Variants in CNBD1 observed in about 807,000 individuals in gnomAD.
The protein encoded by CNBD1 is cyclic nucleotide-binding domain-containing protein 1.
In CNBD1, 71 loss-of-function variants were observed where a neutral mutation model predicts 54.4. The observed-to-expected ratio is 1.30, with a 90% confidence interval of 1.08 to 1.59. The LOEUF is 1.59. Among genes scored for constraint, CNBD1 ranks in the 40% most tolerant of loss-of-function variants. The pLI, the probability that CNBD1 is intolerant of heterozygous loss-of-function variation, is 0.00. For synonymous variants in CNBD1, 182 were observed against 170.7 expected, an observed-to-expected ratio of 1.07 and a Z score of -0.51; for missense variants, 659 against 518.0, an observed-to-expected ratio of 1.27 and a Z score of -2.64.
chr8:87,370,941 C>T (rs1810773204), intron 10 of CNBD1, among the ~76,000 whole-genome samples: 1 of 151,108 alleles, frequency 6.6e-6, no homozygotes, highest in African/African-American at 2.5e-5. Context: ...CAGCTTTCTA[C>T]ATATGGCTAG....
At chr8:87,259,244 A>G (rs1477038496) in intron 6 of CNBD1, among the ~76,000 whole-genome samples, 2 of 152,218 alleles carry the variant, frequency 1.3e-5, no homozygotes, top group East Asian at 1.9e-4. Flanking sequence ...CTTTAGGACA[A>G]GAATTTACCA....
At chr8:87,070,573 A>G (rs1205466561) in intron 4 of CNBD1, among the ~76,000 whole-genome samples, 2 of 152,074 alleles carry the variant, frequency 1.3e-5, no homozygotes, top group Middle Eastern at 3.2e-3. Context: ...AAATTGTGAG[A>G]AAAAGAGATT....
chr8:87,368,532 G>A (rs975423476), intron 10 of CNBD1, among the ~76,000 whole-genome samples: 1 of 151,888 alleles, frequency 6.6e-6, no homozygotes, highest in Non-Finnish European at 1.5e-5. Context: ...CAGCTACTTG[G>A]TGGACTAAGG....
intron 1 of CNBD1, 127 bp from the exon 2 acceptor site, chr8:86,887,415 T>G (rs1379121392): frequency 1.6e-6 from 1 of 622,906 alleles, no homozygotes; most frequent in Non-Finnish European, 2.9e-6. Flanking sequence ...CAAAGACTGT[T>G]AATACCTCAC....
intron 2 of CNBD1, among the ~76,000 whole-genome samples, chr8:87,416,740 G>A (rs550609725): frequency 6.6e-6 from 1 of 152,028 alleles, no homozygotes; most frequent in East Asian, 1.9e-4. Context: ...ACTCCTGAAG[G>A]CTGTGGATAA....
At chr8:86,942,795 A>G (rs1334997406) in intron 4 of CNBD1, among the ~76,000 whole-genome samples, 1 of 152,200 alleles carries the variant, frequency 6.6e-6, no homozygotes, top group African/African-American at 2.4e-5. Flanking sequence ...ACATTTAGTA[A>G]CATCATCAGT....
At chr8:87,286,342 G>T (rs1252617339) in intron 7 of CNBD1, among the ~76,000 whole-genome samples, 197 bp from the exon 8 acceptor site, 1 of 152,032 alleles carries the variant, frequency 6.6e-6, no homozygotes, top group Non-Finnish European at 1.5e-5. Flanking sequence ...TATAATTTTA[G>T]TAAGTAGATC....
At chr8:87,197,069 G>T (rs1813737956) in intron 4 of CNBD1, among the ~76,000 whole-genome samples, 1 of 152,144 alleles carries the variant, frequency 6.6e-6, no homozygotes, top group Admixed American at 6.5e-5. Flanking sequence ...ACTGTATGTG[G>T]TCTGGATAAC....
At position 87,422,074 on chromosome 8, in the gene CNBD1, G is replaced by A. The variant is rs556250637; in HGVS notation, c.214-6472G>A. The stretch of plus-strand genomic sequence containing the variant: ...GTTTTTTGGCTGCATAAATGTCTTT[G>A]TTTGAGAAGTGTCTGTTCATATCCT... On this transcript the variant is annotated intron_variant, in intron 2 of 7. Coordinates refer to the CNBD1 transcript ENST00000521593. 3.0e-4 allele frequency among the ~76,000 whole-genome samples: 41 copies of A among 136,660 alleles called. 1 individual carries two copies. The South Asian group carries it at 7.0e-3, about 23-fold the overall frequency. The allele number at this position is 136,660 out of a possible 152,430, so 89.7% of individuals were successfully genotyped here.
At chr8:87,146,413 A>G (rs767967) in intron 4 of CNBD1, among the ~76,000 whole-genome samples, 69,057 of 151,996 alleles carry the variant, frequency 0.45, 15,886 homozygotes, top group Non-Finnish European at 0.47. Context: ...AATGAAATGG[A>G]TATTTCTAAG....
chr8:87,280,890 T>A (rs1808587050), intron 6 of CNBD1, among the ~76,000 whole-genome samples: 1 of 151,518 alleles, frequency 6.6e-6, no homozygotes, highest in South Asian at 2.1e-4. Context: ...AATTTACAAG[T>A]ATGAGAAACT....
chr8:87,140,536 A>T (rs894298382), intron 4 of CNBD1, among the ~76,000 whole-genome samples: 1 of 152,142 alleles, frequency 6.6e-6, no homozygotes, highest in African/African-American at 2.4e-5. Context: ...GGCTTAAGTA[A>T]TCTGTTAATA....
At chr8:87,305,622 C>A (rs1205070617) in intron 8 of CNBD1, among the ~76,000 whole-genome samples, 4 of 152,082 alleles carry the variant, frequency 2.6e-5, no homozygotes, top group Admixed American at 2.6e-4. Context: ...GCCAACTGAA[C>A]TTCAACAAAG....
chr8:87,077,819 G>A (rs1432540503), intron 4 of CNBD1, among the ~76,000 whole-genome samples: 1 of 151,998 alleles, frequency 6.6e-6, no homozygotes, highest in Non-Finnish European at 1.5e-5. Flanking sequence ...GTCTATCATT[G>A]ATGGACATTT....
rs1277480407 is a variant in CNBD1, at chr8:87,029,728, G to C, written c.431+89974G>C. ...TAAATAATATTTGAGGAAAAAAAAT[G>C]GATCACTGGGAGAAAAGATATTTAT... On this transcript the variant is annotated intron_variant, in intron 4 of 10. Transcript: ENST00000518476. Among the ~76,000 whole-genome samples the C allele has an allele frequency of 1.3e-5, 2 of 152,014 alleles. 1 individual carries two copies. Among genetic ancestry groups the C allele is most frequent in the Admixed American group, 1.3e-4 (2 of 15,252 alleles).
intron 4 of CNBD1, among the ~76,000 whole-genome samples, chr8:87,102,184 G>C (rs1326783076): frequency 1.3e-5 from 2 of 152,146 alleles, no homozygotes; most frequent in East Asian, 3.9e-4. Context: ...ACTTCGTCCG[G>C]CCCAGAATTT....
At chr8:87,255,126 C>T (rs1213792442) in intron 6 of CNBD1, among the ~76,000 whole-genome samples, 2 of 151,886 alleles carry the variant, frequency 1.3e-5, no homozygotes. Flanking sequence ...TTACTTAATG[C>T]AAGGTTACTT....
intron 4 of CNBD1, among the ~76,000 whole-genome samples, chr8:87,045,145 G>A (rs1241192801): frequency 6.6e-6 from 1 of 152,180 alleles, no homozygotes; most frequent in Non-Finnish European, 1.5e-5. Flanking sequence ...TGGAAGAATG[G>A]CATGTCCATG....
chr8:87,272,680 CAAAT>C, intron 6 of CNBD1, among the ~76,000 whole-genome samples: 1 of 152,000 alleles, frequency 6.6e-6, no homozygotes, highest in Middle Eastern at 3.4e-3. Flanking sequence ...AAGCATATAA[CAAAT>C]GAATGATGGT....
Sources: gnomAD v4.1 joint callset for allele counts (sites outside exome capture counted in the v4.1 genomes callset) on GRCh38, gnomAD v4.1.1 for gene constraint, MANE v1.5 for transcripts, NCBI Gene and HGNC (gene_info 2026-07-23, HGNC 2026-07-21) for gene names.